Variants in PPP2R2C observed in about 807,000 individuals in gnomAD.
PPP2R2C encodes the protein protein phosphatase 2, regulatory subunit B, gamma.
A neutral mutation model predicts 45.3 loss-of-function variants in PPP2R2C; 10 were observed. That is an observed-to-expected ratio of 0.22 (90% CI 0.14 to 0.37). The LOEUF (loss-of-function observed/expected upper bound fraction) is 0.37. Among genes scored for constraint, PPP2R2C ranks in the 10% least tolerant of loss-of-function variants. PPP2R2C has a pLI of 1.00. For synonymous variants in PPP2R2C, 257 were observed against 245.4 expected, an observed-to-expected ratio of 1.05 and a Z score of -0.44; for missense variants, 308 against 619.7, an observed-to-expected ratio of 0.50 and a Z score of 5.34.
chr4:6,460,589 C>T (rs537071776), intron 1 of PPP2R2C, among the ~76,000 whole-genome samples: 3 of 152,252 alleles, frequency 2.0e-5, no homozygotes, highest in South Asian at 2.1e-4. Flanking sequence ...ATAGGATACG[C>T]ACACAGTAGA....
chr4:6,419,959 C>T (rs528380240), intron 1 of PPP2R2C, among the ~76,000 whole-genome samples: 37 of 152,306 alleles, frequency 2.4e-4, no homozygotes, highest in African/African-American at 8.2e-4. Context: ...TAGTGACATA[C>T]ACAAGAACCC....
intron 6 of PPP2R2C, among the ~76,000 whole-genome samples, chr4:6,334,041 GTGCTGCCCTC>G (rs376736221): frequency 7.0e-4 from 106 of 152,310 alleles, no homozygotes; most frequent in African/African-American, 2.5e-3. Context: ...TATACTTGAT[GTGCTGCCCTC>G]TACTGCCCCC....
chr4:6,483,782 G>A (rs1299847033), intron 2 of PPP2R2C, among the ~76,000 whole-genome samples: 3 of 151,972 alleles, frequency 2.0e-5, no homozygotes, highest in Non-Finnish European at 4.4e-5. Context: ...TAATTTTGAT[G>A]AGGCCAAATT....
At chr4:6,387,331 A>C (rs574397284) in intron 1 of PPP2R2C, among the ~76,000 whole-genome samples, 1 of 152,338 alleles carries the variant, frequency 6.6e-6, no homozygotes, top group Admixed American at 6.5e-5. Context: ...CTGGAAACTG[A>C]AATAATGAGA....
chr4:6,325,700 C>T (rs1217506062), intron 8 of PPP2R2C, among the ~76,000 whole-genome samples: 2 of 152,132 alleles, frequency 1.3e-5, no homozygotes, highest in Admixed American at 1.3e-4. Context: ...TCCTAGAGCA[C>T]CAGGCCGCAC....
At chr4:6,363,669 A>G (rs1457831782) in intron 5 of PPP2R2C, among the ~76,000 whole-genome samples, 1 of 152,168 alleles carries the variant, frequency 6.6e-6, no homozygotes, top group African/African-American at 2.4e-5. Context: ...GGATTTGGGA[A>G]GAGATGTGCA....
intron 1 of PPP2R2C, among the ~76,000 whole-genome samples, chr4:6,553,923 G>C (rs543621401): frequency 6.6e-6 from 1 of 152,096 alleles, no homozygotes; most frequent in Non-Finnish European, 1.5e-5. Context: ...AAATGGCCTC[G>C]GTCCCAGTGT....
chr4:6,362,424 A>AC (rs1279101997), intron 5 of PPP2R2C, among the ~76,000 whole-genome samples: 1 of 152,112 alleles, frequency 6.6e-6, no homozygotes, highest in Admixed American at 6.5e-5. Flanking sequence ...AGGGTCGCAC[A>AC]CCTCTACCAT....
At position 6,330,539 on chromosome 4, in the gene PPP2R2C, C is replaced by T. The variant is rs1732323108; in HGVS notation, c.961-1186G>A. On this transcript the variant is annotated intron_variant, in intron 7 of 8. Transcript: ENST00000382599. This position sits in a 1 kb window ranked among gnomAD's most constrained non-coding sequence, Gnocchi z 7.0. ...AAGGCCCTGATAGAACAAAGACAGA[C>T]CTCCCTGAGGACCGGGGGATTCCGC... 6.6e-6 allele frequency among the ~76,000 whole-genome samples: 1 copy of T among 152,144 alleles called. No homozygotes were observed. Among genetic ancestry groups the T allele is most frequent in the Admixed American group, 6.5e-5 (1 of 15,284 alleles).
chr4:6,510,031 C>G (rs1723375536), intron 2 of PPP2R2C, among the ~76,000 whole-genome samples: 2 of 152,186 alleles, frequency 1.3e-5, no homozygotes, highest in Admixed American at 1.3e-4. Flanking sequence ...CATAGTCAGG[C>G]CAGCCACATC....
At chr4:6,394,241 A>G (rs969166847) in intron 1 of PPP2R2C, among the ~76,000 whole-genome samples, 3 of 152,342 alleles carry the variant, frequency 2.0e-5, no homozygotes, top group Admixed American at 1.3e-4. Context: ...GGGCTGCCTG[A>G]TTCTCAGTAA....
chr4:6,396,463 C>T (rs1717039172), intron 1 of PPP2R2C, among the ~76,000 whole-genome samples: 1 of 152,228 alleles, frequency 6.6e-6, no homozygotes, highest in Non-Finnish European at 1.5e-5. Context: ...AACCCAGCTG[C>T]TGCCCATGGG....
intron 2 of PPP2R2C, among the ~76,000 whole-genome samples, chr4:6,491,747 G>A (rs1344529568): frequency 1.3e-5 from 2 of 152,108 alleles, no homozygotes; most frequent in African/African-American, 2.4e-5. Flanking sequence ...AGAGGCATAC[G>A]GCACTTCCCC....
intron 2 of PPP2R2C, among the ~76,000 whole-genome samples, chr4:6,485,845 G>T (rs1279096901): frequency 1.3e-5 from 2 of 151,806 alleles, no homozygotes; most frequent in Non-Finnish European, 1.5e-5. Flanking sequence ...ACCAACTTTT[G>T]GATTAATTTA....
At chr4:6,337,511 C>T (rs1007112583) in intron 6 of PPP2R2C, among the ~76,000 whole-genome samples, 12 of 152,072 alleles carry the variant, frequency 7.9e-5, no homozygotes, top group Non-Finnish European at 1.8e-4. Flanking sequence ...TGAGCCAGGG[C>T]GGCCTCTCAC....
chr4:6,413,238 TACAA>T (rs767677518), intron 1 of PPP2R2C, among the ~76,000 whole-genome samples: 7 of 146,512 alleles, frequency 4.8e-5, no homozygotes, highest in Non-Finnish European at 9.2e-5. Flanking sequence ...CAGTTGTACA[TACAA>T]ACACACAGTC....
chr4:6,427,174 T>TGG (rs1719376713), intron 1 of PPP2R2C, among the ~76,000 whole-genome samples: 1 of 152,222 alleles, frequency 6.6e-6, no homozygotes, highest in Non-Finnish European at 1.5e-5. Flanking sequence ...CAGGACGAGC[T>TGG]GGGGGCCCCA....
At chr4:6,479,349 G>A (rs1055062830) in intron 2 of PPP2R2C, among the ~76,000 whole-genome samples, 3 of 152,204 alleles carry the variant, frequency 2.0e-5, no homozygotes, top group African/African-American at 7.2e-5. Flanking sequence ...ACCTCATAGA[G>A]GCTGGGCAAA....
chr4:6,478,191 T>C (rs1243931265), intron 2 of PPP2R2C, among the ~76,000 whole-genome samples: 1 of 152,222 alleles, frequency 6.6e-6, no homozygotes, highest in Non-Finnish European at 1.5e-5. Flanking sequence ...GCCTAAATGC[T>C]ATGATTAATG....
Sources: allele counts gnomAD v4.1 joint callset (sites outside exome capture counted in the v4.1 genomes callset), GRCh38; gene constraint gnomAD v4.1.1; non-coding constraint Gnocchi (gnomAD v3.1); transcripts MANE v1.5; gene names NCBI Gene and HGNC (gene_info 2026-07-23, HGNC 2026-07-21).